Variants in RABGAP1L observed in about 807,000 individuals in gnomAD.
RABGAP1L encodes rab GTPase-activating protein 1-like.
In RABGAP1L, 63 loss-of-function variants were observed where a neutral mutation model predicts 137.7. The ratio of observed to expected loss-of-function variants is 0.46; its 90% CI spans 0.37 to 0.56. The LOEUF is 0.56. RABGAP1L is among the 20% of genes least tolerant of loss of function. The pLI is 0.00. For missense variants in RABGAP1L, 1,095 were observed against 1,244.0 expected (o/e 0.88, Z 1.80); for synonymous variants, 431 against 433.7 (o/e 0.99, Z 0.08).
At chr1:174,909,174 A>G (rs1409598205) in intron 19 of RABGAP1L, among the ~76,000 whole-genome samples, 1 of 133,408 alleles carries the variant, frequency 7.5e-6, no homozygotes, top group African/African-American at 2.6e-5. Flanking sequence ...GTGAGACTCT[A>G]TCTCAAAAAA....
At chr1:174,674,409 G>A (rs332777) in intron 14 of RABGAP1L, among the ~76,000 whole-genome samples, 82,529 of 144,828 alleles carry the variant, frequency 0.57, 25,864 homozygotes, top group African/African-American at 0.85. Context: ...CCTACAAAGG[G>A]CATGAACTCA....
At chr1:174,896,427 G>A (rs1285505477) in intron 19 of RABGAP1L, among the ~76,000 whole-genome samples, 1 of 152,188 alleles carries the variant, frequency 6.6e-6, no homozygotes, top group Non-Finnish European at 1.5e-5. Flanking sequence ...CTGCTGTGCA[G>A]AAGCTCTTTA....
rs377729977 is a variant in RABGAP1L, at chr1:174,833,531, C to T, written c.2340+21571C>T. The stretch of plus-strand genomic sequence containing the variant: ...GGCTCAAGTGATCCACCTGCATCAG[C>T]CTCCCAAAGTGCTAGGATTACAGGC... On this transcript the variant is annotated intron_variant, in intron 19 of 25. Transcript: ENST00000681986. Among the ~76,000 whole-genome samples, 4 of 140,560 alleles carry T rather than the reference C, an allele frequency of 2.8e-5. No homozygotes were observed. The South Asian group carries it at 7.0e-4, about 25-fold the overall frequency. The allele number at this position is 140,560 out of a possible 152,430, so 92.2% of individuals were successfully genotyped here.
At chr1:174,750,135 C>CT (rs1279351531) in intron 17 of RABGAP1L, among the ~76,000 whole-genome samples, 1 of 152,174 alleles carries the variant, frequency 6.6e-6, no homozygotes, top group Non-Finnish European at 1.5e-5. Context: ...TCCCAAAGTG[C>CT]TTTTGGGATA....
intron 13 of RABGAP1L, among the ~76,000 whole-genome samples, chr1:174,410,222 C>G (rs1488101190): frequency 6.6e-6 from 1 of 152,152 alleles, no homozygotes; most frequent in Non-Finnish European, 1.5e-5. Flanking sequence ...GACTGGCCGA[C>G]ACTTAGGGAA....
intron 13 of RABGAP1L, among the ~76,000 whole-genome samples, chr1:174,568,958 C>T (rs1391502792): frequency 6.6e-6 from 1 of 152,104 alleles, no homozygotes; most frequent in African/African-American, 2.4e-5. Context: ...AATTGTATGC[C>T]AGGCACTTTG....
intron 18 of RABGAP1L, among the ~76,000 whole-genome samples, chr1:174,776,309 A>G (rs1388059263): frequency 6.6e-6 from 1 of 152,108 alleles, no homozygotes; most frequent in African/African-American, 2.4e-5. Flanking sequence ...CGGTGGGTGG[A>G]GGTTGCAGTG....
chr1:174,781,018 C>T (rs36127331), intron 18 of RABGAP1L, among the ~76,000 whole-genome samples: 95,349 of 151,810 alleles, frequency 0.63, 33,301 homozygotes, highest in East Asian at 0.93. Context: ...TGAGTAGTAC[C>T]GCAATAAACA....
At chr1:174,863,479 C>A (rs1650649689) in intron 19 of RABGAP1L, among the ~76,000 whole-genome samples, 1 of 150,936 alleles carries the variant, frequency 6.6e-6, no homozygotes, top group African/African-American at 2.4e-5. Flanking sequence ...CGAGACCATC[C>A]TGGCTAACAT....
At chr1:174,466,743 C>T (rs1047278651) in intron 13 of RABGAP1L, among the ~76,000 whole-genome samples, 26 of 152,194 alleles carry the variant, frequency 1.7e-4, no homozygotes, top group Non-Finnish European at 2.9e-5. Flanking sequence ...GCCAAGATCA[C>T]GCCACTGCAC....
At chr1:174,660,135 T>C (rs1676266760) in intron 14 of RABGAP1L, among the ~76,000 whole-genome samples, 1 of 152,190 alleles carries the variant, frequency 6.6e-6, no homozygotes, top group Non-Finnish European at 1.5e-5. Context: ...ATGATCTGTA[T>C]ACACCCCTTT....
At chr1:174,756,931 C>A in intron 18 of RABGAP1L, 1 of 836,932 alleles carries the variant, frequency 1.2e-6, no homozygotes, top group Non-Finnish European at 1.9e-6. Context: ...CAGTGTCCCT[C>A]AGCCATTCTC....
At chr1:174,717,395 C>G (rs1167376315) in intron 17 of RABGAP1L, among the ~76,000 whole-genome samples, 1 of 152,074 alleles carries the variant, frequency 6.6e-6, no homozygotes, top group Non-Finnish European at 1.5e-5. Context: ...GGCAACAGAA[C>G]GAGATTCCTG....
intron 7 of RABGAP1L, among the ~76,000 whole-genome samples, chr1:174,256,287 T>A (rs540273622): frequency 6.6e-6 from 1 of 152,296 alleles, no homozygotes; most frequent in South Asian, 2.1e-4. Flanking sequence ...TAAATTCAGA[T>A]TATATATTGC....
At chr1:174,858,700 C>T (rs1445834013) in intron 19 of RABGAP1L, among the ~76,000 whole-genome samples, 2 of 152,176 alleles carry the variant, frequency 1.3e-5, no homozygotes, top group East Asian at 3.8e-4. Flanking sequence ...TGCTTGCTGA[C>T]TCTTGGCCTT....
At chr1:174,843,015 T>C (rs924436401) in intron 19 of RABGAP1L, among the ~76,000 whole-genome samples, 10 of 152,194 alleles carry the variant, frequency 6.6e-5, no homozygotes, top group African/African-American at 2.4e-4. Context: ...TAAACACCAC[T>C]AATTACTTTT....
At chr1:174,495,426 C>T (rs1327115075) in intron 13 of RABGAP1L, among the ~76,000 whole-genome samples, 1 of 152,156 alleles carries the variant, frequency 6.6e-6, no homozygotes, top group Non-Finnish European at 1.5e-5. Context: ...GAGGTAGATA[C>T]AGTCTAAAAT....
intron 18 of RABGAP1L, among the ~76,000 whole-genome samples, chr1:174,807,001 G>T (rs555752212): frequency 6.6e-6 from 1 of 152,258 alleles, no homozygotes; most frequent in East Asian, 1.9e-4. Flanking sequence ...GACCAGGCTG[G>T]TCTCGAACTC....
chr1:174,442,499 G>A (rs555961875), intron 13 of RABGAP1L, among the ~76,000 whole-genome samples: 1 of 152,086 alleles, frequency 6.6e-6, no homozygotes, highest in Non-Finnish European at 1.5e-5. Flanking sequence ...GGTTTTCTCT[G>A]AAAGGAAGTT....
Sources: allele counts gnomAD v4.1 joint callset (sites outside exome capture counted in the v4.1 genomes callset), GRCh38; gene constraint gnomAD v4.1.1; transcripts MANE v1.5; gene names NCBI Gene and HGNC (gene_info 2026-07-23, HGNC 2026-07-21).